MAML2: variants seen among roughly 807,000 people sequenced by gnomAD.
The protein encoded by MAML2 is mastermind like transcriptional coactivator 2.
MAML2 carries 22 observed loss-of-function variants against 96.1 expected under a neutral mutation model. The observed-to-expected ratio is 0.23, with a 90% CI of 0.16 to 0.33. MAML2 has a LOEUF of 0.33. Ranked by LOEUF, MAML2 falls within the 10% of genes least tolerant of loss-of-function variation. The pLI is 1.00. For missense variants in MAML2, 1,367 were observed against 1,392.4 expected, an observed-to-expected ratio of 0.98 and a Z score of 0.29; for synonymous variants, 561 against 521.3, an observed-to-expected ratio of 1.08 and a Z score of -1.04.
At chr11:96,168,979 T>G (rs2135897789) in intron 1 of MAML2, among the ~76,000 whole-genome samples, 1 of 152,364 alleles carries the variant, frequency 6.6e-6, no homozygotes. Flanking sequence ...AAGTTTCATG[T>G]AGGCTTAATT....
intron 1 of MAML2, among the ~76,000 whole-genome samples, chr11:96,328,740 T>A (rs1274484373): frequency 2.0e-5 from 3 of 152,180 alleles, no homozygotes; most frequent in Non-Finnish European, 4.4e-5. Context: ...CCAGTTCTAT[T>A]AAATCCCTAA....
At chr11:95,991,184 G>C (rs1195042658) in intron 3 of MAML2, among the ~76,000 whole-genome samples, 1 of 152,138 alleles carries the variant, frequency 6.6e-6, no homozygotes, top group Non-Finnish European at 1.5e-5. Context: ...GTTGATTCAA[G>C]TTCAGTTTAC....
chr11:96,155,198 C>T (rs1041580549), intron 1 of MAML2, among the ~76,000 whole-genome samples: 2 of 151,936 alleles, frequency 1.3e-5, no homozygotes, highest in Admixed American at 6.6e-5. Context: ...ATTTGGAATT[C>T]AGGTGGGAAA....
intron 2 of MAML2, among the ~76,000 whole-genome samples, chr11:96,009,702 C>G (rs189370903): frequency 7.9e-4 from 120 of 152,274 alleles, no homozygotes; most frequent in Non-Finnish European, 1.5e-3. Context: ...AGTTATTTAC[C>G]TGTAAACATT....
intron 2 of MAML2, among the ~76,000 whole-genome samples, chr11:96,060,620 G>A (rs572937516): frequency 2.0e-5 from 3 of 152,288 alleles, no homozygotes; most frequent in South Asian, 4.1e-4. Context: ...AGTGAAAATT[G>A]CACGGTAGCA....
intron 2 of MAML2, among the ~76,000 whole-genome samples, chr11:96,068,438 TCACACA>T (rs10522513): frequency 0.13 from 15,726 of 120,268 alleles, 979 homozygotes; most frequent in Middle Eastern, 0.19. Flanking sequence ...GGAGCTTACT[TCACACA>T]CACACACACA....
At chr11:95,981,726 C>T (rs1240070615) in intron 4 of MAML2, among the ~76,000 whole-genome samples, 2 of 152,100 alleles carry the variant, frequency 1.3e-5, no homozygotes, top group East Asian at 3.8e-4. Context: ...GTAGGAGACA[C>T]TTGAACAATA....
intron 1 of MAML2, among the ~76,000 whole-genome samples, chr11:96,103,577 A>G (rs1221528868): frequency 6.6e-6 from 1 of 152,190 alleles, no homozygotes; most frequent in Non-Finnish European, 1.5e-5. Context: ...ATAATATGAA[A>G]CACAGCCATC....
At chr11:96,269,835 TC>T (rs1862889561) in intron 1 of MAML2, among the ~76,000 whole-genome samples, 2 of 144,216 alleles carry the variant, frequency 1.4e-5, no homozygotes, top group South Asian at 4.4e-4. Context: ...TCATTTGGCT[TC>T]CAGGTTGTTC....
At position 96,342,100 on chromosome 11, in the gene MAML2, A is replaced by C; in HGVS notation, c.-205T>G. 3.7e-6 allele frequency: 2 copies of C among 544,648 alleles called. No homozygotes were observed. Among genetic ancestry groups the C allele is most frequent in the South Asian group, 2.8e-5 (1 of 36,118 alleles). 33.7% of individuals were successfully genotyped at this position (544,648 alleles called of 1,614,324 possible). A position where few individuals can be genotyped will look rare whatever the true frequency, so the allele number is the denominator to read the frequency against. On this transcript the variant is annotated 5_prime_UTR_variant, in exon 1 of 5. Coordinates refer to ENST00000524717, the MANE Select transcript of MAML2 (RefSeq NM_032427.4). ...AAGAGGGTGGGGAGAAAGAATAGAA[A>C]CCAACTGGGGGGAGGATAAGTTGGA...
chr11:96,301,061 A>G (rs1268040945), intron 1 of MAML2, among the ~76,000 whole-genome samples: 4 of 152,222 alleles, frequency 2.6e-5, no homozygotes, highest in Non-Finnish European at 4.4e-5. Flanking sequence ...TTTTCATTAT[A>G]ACTAGCCTTA....
chr11:96,041,608 T>A (rs1166684413), intron 2 of MAML2, among the ~76,000 whole-genome samples: 1 of 152,040 alleles, frequency 6.6e-6, no homozygotes, highest in East Asian at 1.9e-4. Flanking sequence ...ATGGAGGTGA[T>A]CCATGGTCAT....
chr11:96,233,631 A>T (rs1862327383), intron 1 of MAML2, among the ~76,000 whole-genome samples: 1 of 152,012 alleles, frequency 6.6e-6, no homozygotes, highest in Non-Finnish European at 1.5e-5. Context: ...CTGGTCTCAA[A>T]CTCCTAGTTT....
At chr11:96,175,898 G>A (rs1861380031) in intron 1 of MAML2, among the ~76,000 whole-genome samples, 1 of 152,070 alleles carries the variant, frequency 6.6e-6, no homozygotes, top group Non-Finnish European at 1.5e-5. Context: ...CACAGCGCCT[G>A]GCCTTAAACC....
At chr11:96,155,411 G>T (rs371880704) in intron 1 of MAML2, among the ~76,000 whole-genome samples, 1 of 150,046 alleles carries the variant, frequency 6.7e-6, no homozygotes, top group Non-Finnish European at 1.5e-5. Flanking sequence ...GTCCTTTAAA[G>T]CAGGGTCAGG....
At chr11:96,161,837 A>T (rs550564577) in intron 1 of MAML2, among the ~76,000 whole-genome samples, 16 of 152,272 alleles carry the variant, frequency 1.1e-4, no homozygotes, top group South Asian at 1.0e-3. Flanking sequence ...GAACTGGACG[A>T]TGAGTTTTGG....
chr11:96,286,496 A>C (rs1863142514), intron 1 of MAML2, among the ~76,000 whole-genome samples: 1 of 152,246 alleles, frequency 6.6e-6, no homozygotes, highest in South Asian at 2.1e-4. Context: ...AGAAAAAGAA[A>C]GGAATAAGAA....
In MAML2 at chr11:96,341,858, C is replaced by A; in HGVS notation, c.38G>T (p.Gly13Val). The A allele has an allele frequency of 1.3e-6, 2 of 1,553,910 alleles. No individual in the cohort carries two copies. Among genetic ancestry groups the A allele is most frequent in the Non-Finnish European group, 1.7e-6 (2 of 1,153,628 alleles). ...DTAPPQAPAGGLGGASGAGLL... is the reference protein window; with the variant it reads ...DTAPPQAPAGVLGGASGAGLL... Reference sequence around the variant, plus strand: ...CCCCGCCCCAGAGGCCCCCCCTAGCCCTCCTGCGGGGGCCTGCGGGGGCGC... The same window carrying A: ...CCCCGCCCCAGAGGCCCCCCCTAGCACTCCTGCGGGGGCCTGCGGGGGCGC... The change falls in exon 1 of 5, where the codon GGG becomes GTG. Residue 13 changes from glycine to valine, a missense_variant. Coordinates refer to ENST00000524717, the MANE Select transcript of MAML2 (RefSeq NM_032427.4).
At chr11:96,179,024 C>G (rs1266750712) in intron 1 of MAML2, among the ~76,000 whole-genome samples, 1 of 152,180 alleles carries the variant, frequency 6.6e-6, no homozygotes, top group Non-Finnish European at 1.5e-5. Flanking sequence ...GATTAGACGG[C>G]ATCCCGAGAA....
Sources: gnomAD v4.1 joint callset for allele counts (sites outside exome capture counted in the v4.1 genomes callset) on GRCh38, gnomAD v4.1.1 for gene constraint, MANE v1.5 for transcripts, NCBI Gene and HGNC (gene_info 2026-07-23, HGNC 2026-07-21) for gene names.